Variants in RHOA observed in about 807,000 individuals in gnomAD.
The protein encoded by RHOA is ras homolog family member A, also known as transforming protein RhoA.
In RHOA, 3 loss-of-function variants were observed where a neutral mutation model predicts 17.5. The observed-to-expected ratio is 0.17, with a 90% confidence interval of 0.08 to 0.44. The LOEUF (loss-of-function observed/expected upper bound fraction) is 0.44. Ranked by LOEUF, RHOA falls within the 20% of genes least tolerant of loss-of-function variation. RHOA has a pLI of 0.99. For missense variants in RHOA, 56 were observed against 242.3 expected (o/e 0.23, Z 5.10); for synonymous variants, 98 against 88.4 (o/e 1.11, Z -0.61).
At chr3:49,381,039 C>CTA (rs1384643722) in intron 1 of RHOA, among the ~76,000 whole-genome samples, 1 of 150,434 alleles carries the variant, frequency 6.6e-6, no homozygotes, top group Admixed American at 6.6e-5. Flanking sequence ...GAAGATACTA[C>CTA]TAATCATGAA....
At chr3:49,361,884 T>C (rs989725058) in intron 4 of RHOA, among the ~76,000 whole-genome samples, 1 of 131,354 alleles carries the variant, frequency 7.6e-6, no homozygotes, top group Non-Finnish European at 1.6e-5. Context: ...TCTCAAAAAA[T>C]AAAAATAAAG....
At chr3:49,377,272 G>GA (rs1165380323) in intron 1 of RHOA, among the ~76,000 whole-genome samples, 2 of 151,360 alleles carry the variant, frequency 1.3e-5, no homozygotes, top group East Asian at 2.0e-4. Context: ...AGAAAGGAAG[G>GA]ACGGACGGAA....
At chr3:49,393,815 T>G (rs2048565419) in intron 1 of RHOA, among the ~76,000 whole-genome samples, 1 of 150,860 alleles carries the variant, frequency 6.6e-6, no homozygotes, top group Admixed American at 6.6e-5. Flanking sequence ...GTTCAAGCAG[T>G]TCTCCTGTCT....
intron 1 of RHOA, among the ~76,000 whole-genome samples, chr3:49,400,679 C>A (rs1163896660): frequency 2.6e-5 from 4 of 151,956 alleles, no homozygotes; most frequent in Admixed American, 2.0e-4. Flanking sequence ...TATGATCATG[C>A]CACTGCACTC....
At chr3:49,361,688 C>T (rs759809655) in intron 4 of RHOA, among the ~76,000 whole-genome samples, 3 of 151,980 alleles carry the variant, frequency 2.0e-5, no homozygotes, top group Non-Finnish European at 2.9e-5. Context: ...TGAGACCAGC[C>T]TGACCAACAT....
chr3:49,362,283 C>T (rs542216360), intron 4 of RHOA, among the ~76,000 whole-genome samples: 1 of 152,188 alleles, frequency 6.6e-6, no homozygotes, highest in South Asian at 2.1e-4. Context: ...CATAGCACTA[C>T]CTCATAAAAA....
intron 1 of RHOA, among the ~76,000 whole-genome samples, chr3:49,402,374 T>TA (rs1455775097): frequency 6.6e-6 from 1 of 152,184 alleles, no homozygotes; most frequent in Non-Finnish European, 1.5e-5. Flanking sequence ...AGTTTACTTT[T>TA]ACCAAGTATA....
chr3:49,395,093 C>A (rs1575671849), intron 1 of RHOA, among the ~76,000 whole-genome samples: 1 of 149,074 alleles, frequency 6.7e-6, no homozygotes, highest in Non-Finnish European at 1.5e-5. Context: ...ACTAAAAATA[C>A]AAAAAAAAAC....
At chr3:49,383,781 G>C (rs1177495589) in intron 1 of RHOA, among the ~76,000 whole-genome samples, 1 of 152,136 alleles carries the variant, frequency 6.6e-6, no homozygotes, top group Non-Finnish European at 1.5e-5. Context: ...CATAATCCCA[G>C]CACTTTGGGA....
intron 1 of RHOA, among the ~76,000 whole-genome samples, chr3:49,375,959 C>T (rs1167221420): frequency 6.6e-6 from 1 of 152,088 alleles, no homozygotes; most frequent in East Asian, 1.9e-4. Flanking sequence ...AGCAATTCTC[C>T]TGCCTCAGAC....
At chr3:49,391,524 G>T (rs992041135) in intron 1 of RHOA, among the ~76,000 whole-genome samples, 8 of 152,196 alleles carry the variant, frequency 5.3e-5, no homozygotes, top group Admixed American at 2.0e-4. Flanking sequence ...ACTGCCCAAC[G>T]TGGTAGCTAC....
rs71627384 is a variant in RHOA, at chr3:49,391,389, C to CA, written c.-2-15799dup. Among the ~76,000 whole-genome samples the CA allele has an allele frequency of 7.1e-3, 879 of 123,070 alleles. 7 individuals are homozygous for CA. Among genetic ancestry groups the CA allele is most frequent in the African/African-American group, 0.016 (529 of 32,682 alleles). The allele number at this position is 123,070 out of a possible 152,430, so 80.7% of individuals were successfully genotyped here. A position where few individuals can be genotyped will look rare whatever the true frequency, so the allele number is the denominator to read the frequency against. On this transcript the variant is annotated intron_variant, in intron 1 of 4. Transcript: ENST00000418115. Reference sequence around the variant, plus strand: ...CTTGAGCGACAGAGTGAGAATCCGTCAAAAAAAAAAAAAAAAGTAAAAATT... The same window carrying CA: ...CTTGAGCGACAGAGTGAGAATCCGTCAAAAAAAAAAAAAAAAAGTAAAAATT...
At chr3:49,401,120 G>C (rs942098563) in intron 1 of RHOA, among the ~76,000 whole-genome samples, 15 of 146,630 alleles carry the variant, frequency 1.0e-4, no homozygotes, top group African/African-American at 3.0e-4. Flanking sequence ...ACTAATATTA[G>C]ACACTAGGGC....
intron 1 of RHOA, among the ~76,000 whole-genome samples, chr3:49,390,735 G>C (rs994704428): frequency 6.6e-6 from 1 of 152,158 alleles, no homozygotes; most frequent in Non-Finnish European, 1.5e-5. Context: ...TGACAGTAGA[G>C]AAACTGAAAA....
Position 49,411,973 on chromosome 3 carries a change from G to A in RHOA, c.-156C>T, listed in dbSNP as rs1032906032. 1.9e-5 allele frequency: 3 copies of A among 158,022 alleles called. No individual in the cohort carries two copies. The highest frequency in any genetic ancestry group is 1.8e-4 in the South Asian group (1 of 5,518). 9.8% of individuals were successfully genotyped at this position (158,022 alleles called of 1,614,324 possible). A position where few individuals can be genotyped will look rare whatever the true frequency, so the allele number is the denominator to read the frequency against. The stretch of plus-strand genomic sequence containing the variant: ...CGGGCGGCGGGAGGGTAGCGCGAGA[G>A]AGCGAGGGCGGGCGGCGGCGGGAGG... On this transcript the variant is annotated 5_prime_UTR_variant, in exon 1 of 5. Coordinates refer to ENST00000418115, the MANE Select transcript of RHOA (RefSeq NM_001664.4).
chr3:49,398,596 G>C (rs1193590792), intron 1 of RHOA, among the ~76,000 whole-genome samples: 1 of 151,534 alleles, frequency 6.6e-6, no homozygotes, highest in African/African-American at 2.4e-5. Flanking sequence ...GGCCAAGGCG[G>C]GTGGATCACG....
At chr3:49,375,882 C>G (rs923189646) in intron 1 of RHOA, among the ~76,000 whole-genome samples, 6 of 152,044 alleles carry the variant, frequency 3.9e-5, no homozygotes, top group African/African-American at 7.2e-5. Flanking sequence ...GAGTCTCACT[C>G]TGTCGCCCAG....
chr3:49,371,167 G>C (rs537336823), intron 2 of RHOA, among the ~76,000 whole-genome samples: 1 of 152,156 alleles, frequency 6.6e-6, no homozygotes, highest in East Asian at 1.9e-4. Flanking sequence ...ATGCTTCCAA[G>C]ATGTTGAGTC....
chr3:49,372,430 T>C (rs1034861481), intron 2 of RHOA, among the ~76,000 whole-genome samples: 8 of 152,130 alleles, frequency 5.3e-5, no homozygotes, highest in African/African-American at 1.9e-4. Flanking sequence ...GCTCACTCTG[T>C]ATTTGAATAA....
Sources: gnomAD v4.1 joint callset for allele counts (sites outside exome capture counted in the v4.1 genomes callset) on GRCh38, gnomAD v4.1.1 for gene constraint, MANE v1.5 for transcripts, NCBI Gene and HGNC (gene_info 2026-07-23, HGNC 2026-07-21) for gene names.